The following NOBOX variants were observed in gnomAD, a reference collection of about 807,000 sequenced individuals.
NOBOX encodes the protein homeobox protein NOBOX.
A neutral mutation model predicts 60.2 loss-of-function variants in NOBOX; 46 were observed. That is an observed-to-expected ratio of 0.76 (90% confidence interval 0.60 to 0.98). The LOEUF is 0.98. Ranked by LOEUF, NOBOX falls within the 50% of genes least tolerant of loss-of-function variation. The pLI, the probability that NOBOX is intolerant of heterozygous loss-of-function variation, is 0.00. For missense variants in NOBOX, 880 were observed against 865.5 expected, an observed-to-expected ratio of 1.02 and a Z score of -0.21; for synonymous variants, 360 against 346.3, an observed-to-expected ratio of 1.04 and a Z score of -0.44.
At chr7:144,397,065 C>T (rs112889438), downstream of NOBOX, among the ~76,000 whole-genome samples, 163 of 152,286 alleles carry the variant, frequency 1.1e-3, no homozygotes, top group African/African-American at 3.8e-3. Context: ...AAGGGAAGCG[C>T]CAGCCCTCTT....
chr7:144,397,595 T>A, intron 9 of NOBOX, 54 bp from the exon 8 acceptor site: 1 of 1,393,030 alleles, frequency 7.2e-7, no homozygotes, highest in Non-Finnish European at 9.5e-7. Flanking sequence ...GTATCAACTA[T>A]CATTAACAGT....
chr7:144,401,256 T>G lies in NOBOX; in HGVS notation c.634A>C (p.Met212Leu), dbSNP rs1210671317. The G allele has an allele frequency of 6.2e-7, 1 of 1,613,586 alleles. No homozygotes were observed. Among genetic ancestry groups the G allele is most frequent in the Non-Finnish European group, 8.5e-7 (1 of 1,179,730 alleles). The change falls in exon 4 of 10, where the codon ATG becomes CTG. Residue 212 changes from methionine (M) to leucine (L), a missense_variant. Transcript: ENST00000467773. The surrounding 1 kb of genome is among the most constrained non-coding windows in gnomAD (Gnocchi z 4.2). ...GGAGATGATGTTGGGGCCAGACCCA[T>G]GGCATTAGGCTTTTTCTGCTTCCCG... is the stretch of plus-strand genomic sequence containing the variant.
At chr7:144,397,164 C>A, downstream of NOBOX, 1 of 1,321,514 alleles carries the variant, frequency 7.6e-7, no homozygotes, top group Non-Finnish European at 1.0e-6. Flanking sequence ...CTTTCCCAAA[C>A]CCCCAACCCC....
chr7:144,400,040 C>T, intron 5 of NOBOX, 166 bp downstream of exon 3: 2 of 1,507,954 alleles, frequency 1.3e-6, no homozygotes, highest in East Asian at 2.3e-5. Flanking sequence ...TCTCCTAATG[C>T]TCTCAGGCTG....
At chr7:144,397,581 G>A in intron 9 of NOBOX, 40 bp from the exon 8 acceptor site, 1 of 1,447,002 alleles carries the variant, frequency 6.9e-7, no homozygotes. Flanking sequence ...AGACAGGATG[G>A]AGAGTATCAA....
Position 144,401,090 on chromosome 7 carries a change from A to G in NOBOX, c.800T>C (p.Val267Ala). The stretch of plus-strand genomic sequence containing the variant: ...TGTCTTTTTCCTAATTTGGCAGGTC[A>G]CTTCCGGGGGCCCCTGCTTGTGGTC... Residue 267 changes from valine to alanine, a missense_variant, in exon 4 of 10, where the codon GTG (valine) becomes GCG (alanine). Val to Ala is a moderately conservative substitution (Grantham distance 64). Coordinates refer to ENST00000467773, the MANE Select transcript of NOBOX (RefSeq NM_001080413.3). The surrounding 1 kb of genome is among the most constrained non-coding windows in gnomAD (Gnocchi z 4.2). 1 of 1,536,522 alleles carries G rather than the reference A, an allele frequency of 6.5e-7. No homozygotes were observed.
Position 144,399,171 on chromosome 7 carries a change from G to T in NOBOX, c.1248C>A (p.Pro416=). The change falls in exon 8 of 10, where the codon CCC becomes CCA. Residue 416 remains proline, a synonymous_variant. Coordinates refer to ENST00000467773, the MANE Select transcript of NOBOX (RefSeq NM_001080413.3). ...AAGTCTGGTCAGAAGTCAGCAGCATGGGGGGCTCTAGGAACAGAAGGCAAA... is the reference window on the plus strand; with the variant it reads ...AAGTCTGGTCAGAAGTCAGCAGCATTGGGGGCTCTAGGAACAGAAGGCAAA... 6.5e-7 allele frequency: 1 copy of T among 1,537,002 alleles called. No individual in the cohort carries two copies. Among genetic ancestry groups the T allele is most frequent in the Non-Finnish European group, 8.9e-7 (1 of 1,125,648 alleles).
intron 2 of NOBOX, among the ~76,000 whole-genome samples, chr7:144,402,824 C>T (rs958665163): frequency 6.2e-5 from 8 of 128,462 alleles, no homozygotes; most frequent in Non-Finnish European, 1.2e-4. Context: ...TGGTGCAATT[C>T]TGGCTCACTG....
chr7:144,399,573 T>C (rs2053921298), intron 6 of NOBOX, 91 bp from the exon 5 acceptor site: 1 of 1,232,680 alleles, frequency 8.1e-7, no homozygotes. Flanking sequence ...ATTCCCAAAC[T>C]CTGCCTCCTA....
rs369397014 is a variant in NOBOX at position 144,404,728 on chromosome 7, G to C, written c.86-48C>G. On this transcript the variant is annotated intron_variant, in intron 1 of 9. Coordinates refer to ENST00000467773, the MANE Select transcript of NOBOX (RefSeq NM_001080413.3). ...TGTGTTTCCATCCATTTGGTGTTTC[G>C]ATTTTATTCTCTGAGAATGGAAGGG... The C allele has an allele frequency of 1.9e-6, 3 of 1,601,094 alleles. No homozygotes were observed. In the South Asian group the frequency reaches 3.4e-5, roughly 18 times the overall value.
intron 2 of NOBOX, among the ~76,000 whole-genome samples, chr7:144,402,207 A>T (rs1431692021): frequency 1.2e-5 from 1 of 85,268 alleles, no homozygotes; most frequent in African/African-American, 4.6e-5. Context: ...ACCATCCAGC[A>T]CATCCACTTC....
chr7:144,397,557 G>A lies in NOBOX; in HGVS notation c.1775-16C>T. ...GAGGCTGTACCTGTGGGGTCGGAGG[G>A]TGTAGGAATTACCAGACAGGATGGA... On this transcript the variant is annotated splice_polypyrimidine_tract_variant and intron_variant, in intron 9 of 9. Coordinates refer to ENST00000467773, the MANE Select transcript of NOBOX (RefSeq NM_001080413.3). 1.0e-5 allele frequency: 15 copies of A among 1,498,666 alleles called. No homozygotes were observed. Among genetic ancestry groups the A allele is most frequent in the Non-Finnish European group, 1.2e-5 (14 of 1,126,146 alleles). 92.8% of individuals were successfully genotyped at this position (1,498,666 alleles called of 1,614,324 possible). A position where few individuals can be genotyped will look rare whatever the true frequency, so the allele number is the denominator to read the frequency against.
Position 144,400,222 on chromosome 7 carries a change from G to A in NOBOX, c.935C>T (p.Thr312Ile). The change falls in exon 5 of 10, where the codon ACC becomes ATC. Residue 312 changes from threonine to isoleucine, a missense_variant. Thr to Ile is a moderately conservative substitution (Grantham distance 89). Transcript: ENST00000467773. ...CCCCTTTACCATGATGCGCTGGGGG[G>A]TCACCCCCACCGTCTGGGCAATCTC... 3.1e-6 allele frequency: 5 copies of A among 1,613,856 alleles called. No individual in the cohort carries two copies. The East Asian group carries it at 8.9e-5, about 29-fold the overall frequency.
chr7:144,401,336 C>A lies in NOBOX; in HGVS notation c.554G>T (p.Cys185Phe), dbSNP rs750693111. 1.2e-6 allele frequency: 2 copies of A among 1,613,604 alleles called. No individual in the cohort carries two copies. The highest frequency in any genetic ancestry group is 1.3e-5 in the African/African-American group (1 of 74,908). ...CTTCACCTCTCCCACTGGGAGGGAA[C>A]AATCTTCCCCCTGAGTCTGGGGCCT... Residue 185 changes from cysteine to phenylalanine, a missense_variant, in exon 4 of 10, where the codon TGT becomes TTT. Physicochemically the swap from Cys to Phe is radical, Grantham distance 205. Transcript: ENST00000467773. This position sits in a 1 kb window ranked among gnomAD's most constrained non-coding sequence, Gnocchi z 4.2.
intron 7 of NOBOX, 57 bp from the exon 6 acceptor site, chr7:144,399,235 G>T: frequency 1.0e-6 from 1 of 997,712 alleles, no homozygotes; most frequent in Non-Finnish European, 1.5e-6. Flanking sequence ...GGCAGGTTTG[G>T]CATCGCTGAA....
chr7:144,401,804 A>G lies in NOBOX; in HGVS notation c.292+65T>C. 8.0e-7 allele frequency: 1 copy of G among 1,247,408 alleles called. No homozygotes were observed. The highest frequency in any genetic ancestry group is 1.3e-5 in the South Asian group (1 of 76,144). The allele number at this position is 1,247,408 out of a possible 1,614,324, so 77.3% of individuals were successfully genotyped here. On this transcript the variant is annotated intron_variant, in intron 3 of 9. Transcript: ENST00000467773. This position sits in a 1 kb window ranked among gnomAD's most constrained non-coding sequence, Gnocchi z 4.2. ...ATAACCCAACTTCTTTGAAAAATGTAGACAAATTTATGCAATTCTGAGACG... is the reference window on the plus strand; with the variant it reads ...ATAACCCAACTTCTTTGAAAAATGTGGACAAATTTATGCAATTCTGAGACG...
At chr7:144,402,917 C>T (rs1292335936) in intron 2 of NOBOX, among the ~76,000 whole-genome samples, 1 of 152,006 alleles carries the variant, frequency 6.6e-6, no homozygotes, top group Non-Finnish European at 1.5e-5. Flanking sequence ...CCACCACACC[C>T]AGCTAATTTT....
intron 9 of NOBOX, 33 bp from the exon 8 acceptor site, chr7:144,397,574 C>T (rs2053902680): frequency 6.8e-7 from 1 of 1,468,684 alleles, no homozygotes; most frequent in Non-Finnish European, 9.0e-7. Context: ...AATTACCAGA[C>T]AGGATGGAGA....
intron 7 of NOBOX, 41 bp from the exon 6 acceptor site, chr7:144,399,219 A>G (rs760993446): frequency 4.6e-6 from 5 of 1,077,322 alleles, no homozygotes; most frequent in Non-Finnish European, 7.0e-6. Flanking sequence ...CGGTAAGGAA[A>G]TGGGAGGCAG....
Sources: allele counts gnomAD v4.1 joint callset (sites outside exome capture counted in the v4.1 genomes callset), GRCh38; gene constraint gnomAD v4.1.1; non-coding constraint Gnocchi (gnomAD v3.1); transcripts MANE v1.5; gene names NCBI Gene and HGNC (gene_info 2026-07-23, HGNC 2026-07-21).